Variants in SPIDR observed in about 807,000 individuals in gnomAD.
SPIDR encodes scaffold protein involved in DNA repair, also known as DNA repair-scaffolding protein.
A neutral mutation model predicts 104.6 loss-of-function variants in SPIDR; 93 were observed. That is an observed-to-expected ratio of 0.89 (90% CI 0.75 to 1.06). The LOEUF (loss-of-function observed/expected upper bound fraction) is 1.06. Among genes scored for constraint, SPIDR ranks in the 50% least tolerant of loss-of-function variants. The pLI, the probability that SPIDR is intolerant of heterozygous loss-of-function variation, is 0.00. For synonymous variants in SPIDR, 431 were observed against 416.9 expected, an observed-to-expected ratio of 1.03 and a Z score of -0.41; for missense variants, 1,154 against 1,111.2, an observed-to-expected ratio of 1.04 and a Z score of -0.55.
chr8:47,633,567 A>AC (rs1554527408), intron 10 of SPIDR, among the ~76,000 whole-genome samples: 8 of 151,086 alleles, frequency 5.3e-5, no homozygotes, highest in East Asian at 1.9e-4. Context: ...TGAAAAAAAA[A>AC]AAAAAACAAA....
At chr8:47,732,588 G>T in intron 19 of SPIDR, 1 of 189,774 alleles carries the variant, frequency 5.3e-6, no homozygotes. Context: ...CACAGTGGCT[G>T]ATCAGGTCTT....
chr8:47,549,031 G>A (rs913450191), intron 8 of SPIDR, among the ~76,000 whole-genome samples: 1 of 152,142 alleles, frequency 6.6e-6, no homozygotes, highest in Non-Finnish European at 1.5e-5. Flanking sequence ...TTGGTTTTCT[G>A]TCCTTGTGAT....
intron 14 of SPIDR, among the ~76,000 whole-genome samples, chr8:47,710,358 C>T (rs2081677499): frequency 6.6e-6 from 1 of 152,078 alleles, no homozygotes. Context: ...AAAGAGAGAC[C>T]ACTGGCCAAA....
rs2055275493 is a variant in SPIDR at position 47,359,413 on chromosome 8, T to C, written c.526-36963T>C. Among the ~76,000 whole-genome samples the C allele has an allele frequency of 2.6e-5, 4 of 152,218 alleles. No homozygotes were observed. The South Asian group carries it at 8.3e-4, about 32-fold the overall frequency. ...TTTGTTTAGGAGTCCTGGGTCCCCT[T>C]TGTGTGTCAGAGCATGCAAAGGAAC... On this transcript the variant is annotated intron_variant, in intron 5 of 19. Transcript: ENST00000297423.
chr8:47,424,423 A>G (rs541600529), intron 7 of SPIDR, among the ~76,000 whole-genome samples: 171 of 151,866 alleles, frequency 1.1e-3, no homozygotes, highest in African/African-American at 3.7e-3. Context: ...TGCTACCTCA[A>G]CCTCCAGAGT....
At chr8:47,614,197 T>A (rs6989917) in intron 10 of SPIDR, among the ~76,000 whole-genome samples, 2 of 151,842 alleles carry the variant, frequency 1.3e-5, no homozygotes, top group Non-Finnish European at 2.9e-5. Context: ...GCAAAGGACA[T>A]GATCTCGTTC....
intron 17 of SPIDR, among the ~76,000 whole-genome samples, chr8:47,728,230 A>G (rs2084612796): frequency 1.3e-5 from 2 of 152,096 alleles, no homozygotes; most frequent in African/African-American, 4.8e-5. Flanking sequence ...GTTGAAGACC[A>G]GCCTGGCCAA....
chr8:47,321,930 A>C (rs1554596097), intron 5 of SPIDR, among the ~76,000 whole-genome samples: 1 of 152,198 alleles, frequency 6.6e-6, no homozygotes, highest in East Asian at 1.9e-4. Flanking sequence ...CTTACACCTT[A>C]TACTAAAATT....
At chr8:47,421,329 A>G (rs918399523) in intron 7 of SPIDR, among the ~76,000 whole-genome samples, 10 of 152,100 alleles carry the variant, frequency 6.6e-5, no homozygotes, top group South Asian at 2.1e-4. Context: ...TTTTTTCTCT[A>G]AACTTCTCTT....
intron 10 of SPIDR, among the ~76,000 whole-genome samples, chr8:47,666,098 GT>G (rs1239453074): frequency 1.3e-5 from 2 of 152,132 alleles, no homozygotes; most frequent in Non-Finnish European, 2.9e-5. Flanking sequence ...AGTATTCATA[GT>G]TTTTGGTTCT....
At chr8:47,462,544 G>A (rs1221313481) in intron 8 of SPIDR, among the ~76,000 whole-genome samples, 1 of 152,084 alleles carries the variant, frequency 6.6e-6, no homozygotes, top group African/African-American at 2.4e-5. Context: ...AAAACATAAT[G>A]TACTAAAACT....
chr8:47,574,479 C>T (rs1426805508), intron 8 of SPIDR, among the ~76,000 whole-genome samples: 2 of 151,982 alleles, frequency 1.3e-5, no homozygotes, highest in African/African-American at 4.8e-5. Context: ...TTCTACAGGC[C>T]GGATGTGGTG....
intron 8 of SPIDR, among the ~76,000 whole-genome samples, chr8:47,495,416 A>C (rs752876469): frequency 5.9e-5 from 9 of 152,050 alleles, no homozygotes; most frequent in Non-Finnish European, 1.2e-4. Context: ...TAATTAACAT[A>C]GTATACAATT....
Position 47,735,095 on chromosome 8 carries a change from GGTGTGTGTGTGTGTGGGTGT to G in SPIDR, c.2605-196_2605-177del, listed in dbSNP as rs1239584376. On this transcript the variant is annotated intron_variant, in intron 19 of 19. Transcript: ENST00000297423. ...ACTTGCTAAAATAAATGGGTGTGTG[GGTGTGTGTGTGTGTGGGTGT>G]GTGTGTGTGTGTGTGTGTGTAGTGG... Among the ~76,000 whole-genome samples the G allele has an allele frequency of 8.7e-3, 1,266 of 146,140 alleles. 14 individuals carry two copies. The highest frequency in any genetic ancestry group is 0.03 in the African/African-American group (1,165 of 38,926).
intron 8 of SPIDR, among the ~76,000 whole-genome samples, chr8:47,502,124 A>C (rs916763006): frequency 3.9e-5 from 6 of 152,208 alleles, no homozygotes; most frequent in Non-Finnish European, 8.8e-5. Context: ...TGTCTCTGCC[A>C]GGCTTTGGTA....
chr8:47,684,481 A>G (rs1474848469), intron 11 of SPIDR, among the ~76,000 whole-genome samples: 1 of 152,194 alleles, frequency 6.6e-6, no homozygotes, highest in Non-Finnish European at 1.5e-5. Context: ...TGGTTAATAC[A>G]TTGGTTTTTA....
In SPIDR at chr8:47,293,947, G is replaced by A; in HGVS notation, c.442G>A (p.Gly148Ser). The A allele has an allele frequency of 6.2e-7, 1 of 1,614,076 alleles. No individual in the cohort carries two copies. Among genetic ancestry groups the A allele is most frequent in the Non-Finnish European group, 8.5e-7 (1 of 1,179,988 alleles). The change falls in exon 5 of 20, where the codon GGT (glycine) becomes AGT (serine). Residue 148 changes from glycine (G) to serine (S), a missense_variant. By Grantham distance (56) the Gly-to-Ser change is moderately conservative. Coordinates refer to ENST00000297423, the MANE Select transcript of SPIDR (RefSeq NM_001080394.4). ...CTGTGATGAATTTGAAGATGACGAG[G>A]GTGCTGTGGAAATCTCAGACTGTGC... ...SDCDEFEDDEGAVEISDCASC... is the reference protein window; with the variant it reads ...SDCDEFEDDESAVEISDCASC...
intron 8 of SPIDR, among the ~76,000 whole-genome samples, chr8:47,561,841 A>G (rs965580128): frequency 6.6e-6 from 1 of 152,236 alleles, no homozygotes; most frequent in South Asian, 2.1e-4. Flanking sequence ...TATATCTCGT[A>G]CACTGATACA....
At chr8:47,344,837 T>G (rs1414298883) in intron 5 of SPIDR, among the ~76,000 whole-genome samples, 1 of 152,240 alleles carries the variant, frequency 6.6e-6, no homozygotes. Flanking sequence ...CTTGTAAATT[T>G]GTTTAAGCTC....
Sources: allele counts gnomAD v4.1 joint callset (sites outside exome capture counted in the v4.1 genomes callset), GRCh38; gene constraint gnomAD v4.1.1; transcripts MANE v1.5; gene names NCBI Gene and HGNC (gene_info 2026-07-23, HGNC 2026-07-21).